Variants in PKD2L2 observed in about 807,000 individuals in gnomAD.
The protein encoded by PKD2L2 is polycystin-2-like protein 2.
PKD2L2 carries 67 observed loss-of-function variants against 83.9 expected under a neutral mutation model. The ratio of observed to expected loss-of-function variants is 0.80; its 90% CI spans 0.66 to 0.98. The LOEUF (loss-of-function observed/expected upper bound fraction) is 0.98, where lower values mean the gene tolerates loss of function less well. PKD2L2 is among the 50% of genes least tolerant of loss of function. The pLI is 0.00. For missense variants in PKD2L2, 632 were observed against 717.2 expected (o/e 0.88, Z 1.36); for synonymous variants, 223 against 237.8 (o/e 0.94, Z 0.57).
At chr5:137,893,189 T>G (rs1756144507) in intron 3 of PKD2L2, among the ~76,000 whole-genome samples, 1 of 152,214 alleles carries the variant, frequency 6.6e-6, no homozygotes, top group Non-Finnish European at 1.5e-5. Flanking sequence ...AAATTTACTT[T>G]TAAAAATTTC....
chr5:137,893,376 A>C (rs923781789), intron 3 of PKD2L2, among the ~76,000 whole-genome samples: 2 of 152,188 alleles, frequency 1.3e-5, no homozygotes, highest in African/African-American at 4.8e-5. Context: ...TGCTTTTTCC[A>C]TTACATTTAA....
intron 14 of PKD2L2, among the ~76,000 whole-genome samples, chr5:137,937,141 T>G (rs552368776): frequency 6.6e-6 from 1 of 152,250 alleles, no homozygotes; most frequent in African/African-American, 2.4e-5. Flanking sequence ...CACAGATAAA[T>G]TAATAAAGGC....
At chr5:137,924,611 G>A (rs1561701528) in intron 10 of PKD2L2, among the ~76,000 whole-genome samples, 2 of 152,094 alleles carry the variant, frequency 1.3e-5, no homozygotes, top group African/African-American at 4.8e-5. Context: ...GTAGCTGCAG[G>A]GTTAGTGGGG....
rs1482846242 is a variant in PKD2L2 at position 137,894,508 on chromosome 5, C to A, written c.423C>A (p.Cys141Ter). Residue 141 changes from cysteine (C) to a stop codon, truncating the protein, a stop_gained, in exon 4 of 15, where the codon TGC (cysteine) becomes TGA (stop). Transcript: ENST00000508883. LOFTEE classifies it high-confidence loss of function. The part of the protein sequence containing the change: ...VRQLKVRNNT[C>*]KVYSSFQSLM... ...AACTAAAAGTCCGCAACAACACATGCAAAGTCTATTCATCTTTTCAGTCTT... is the reference window on the plus strand; with the variant it reads ...AACTAAAAGTCCGCAACAACACATGAAAAGTCTATTCATCTTTTCAGTCTT... The A allele has an allele frequency of 1.2e-6, 2 of 1,613,574 alleles. No homozygotes were observed. Among genetic ancestry groups the A allele is most frequent in the Non-Finnish European group, 1.7e-6 (2 of 1,179,664 alleles).
Position 137,935,923 on chromosome 5 carries a change from C to A in PKD2L2, c.1784+14C>A. On this transcript the variant is annotated intron_variant, in intron 13 of 14. Coordinates refer to ENST00000508883, the MANE Select transcript of PKD2L2 (RefSeq NM_001300921.2). ...AGAATTTCGAGAGTAAGCTTATGTT[C>A]TAACCAGACTATTATGGGATATCAT... 2.3e-6 allele frequency: 3 copies of A among 1,305,164 alleles called. No individual in the cohort carries two copies. The highest frequency in any genetic ancestry group is 4.6e-5 in the East Asian group (2 of 43,532). The allele number at this position is 1,305,164 out of a possible 1,614,324, so 80.8% of individuals were successfully genotyped here.
Position 137,942,564 on chromosome 5 carries a change from T to C in PKD2L2, c.*198T>C. 1 of 302,088 alleles carries C rather than the reference T, an allele frequency of 3.3e-6. No homozygotes were observed. The highest frequency in any genetic ancestry group is 4.7e-5 in the South Asian group (1 of 21,150). 18.7% of individuals were successfully genotyped at this position (302,088 alleles called of 1,614,324 possible). On this transcript the variant is annotated 3_prime_UTR_variant, in exon 15 of 15. Transcript: ENST00000508883. ...TTTTTATACAGTCTGGGTCCCACTA[T>C]ATTGCCCAGGCTGGTCTTGAACTCC...
intron 5 of PKD2L2, among the ~76,000 whole-genome samples, chr5:137,900,614 T>G (rs1756870381): frequency 6.6e-6 from 1 of 152,234 alleles, no homozygotes; most frequent in Non-Finnish European, 1.5e-5. Flanking sequence ...TCACTGCAGC[T>G]ATGCCAGCAG....
At chr5:137,918,844 C>CTT (rs796480261) in intron 8 of PKD2L2, among the ~76,000 whole-genome samples, 251 of 144,554 alleles carry the variant, frequency 1.7e-3, no homozygotes, top group East Asian at 2.2e-3. Flanking sequence ...TTCCAAGAAT[C>CTT]TTTTTTTTTT....
chr5:137,892,597 T>A lies in PKD2L2; in HGVS notation c.251T>A (p.Ile84Lys). ...ACCAACTTTAAGTCCATTCGCAGCATAACTGATTTTTGGAAGGTAAAGTAT... is the reference window on the plus strand; with the variant it reads ...ACCAACTTTAAGTCCATTCGCAGCAAAACTGATTTTTGGAAGGTAAAGTAT... ...ERTNFKSIRS[I>K]TDFWKFMEGP... is the part of the protein sequence containing the mutation. Residue 84 changes from isoleucine to lysine, a missense_variant, in exon 3 of 15, where the codon ATA (isoleucine) becomes AAA (lysine). Ile to Lys is a moderately radical substitution (Grantham distance 102). Around this residue, in one of 3 missense-constraint regions of PKD2L2, gnomAD observed 229 missense variants for 281.5 expected, o/e 0.81. Transcript: ENST00000508883. 6.2e-7 allele frequency: 1 copy of A among 1,611,584 alleles called. No homozygotes were observed. The highest frequency in any genetic ancestry group is 8.5e-7 in the Non-Finnish European group (1 of 1,179,278).
At chr5:137,893,978 C>T (rs879284474) in intron 3 of PKD2L2, among the ~76,000 whole-genome samples, 2 of 152,040 alleles carry the variant, frequency 1.3e-5, no homozygotes, top group Admixed American at 6.6e-5. Context: ...GCACCATGGC[C>T]AGAGTCGGGG....
rs776570554 is a variant in PKD2L2, at chr5:137,906,472, C to T, written c.975+38C>T. Reference sequence around the variant, plus strand: ...TCATGTGTATGGTTGAAGGGGATCACATCTGAACCTACCAATGAAGGAGGT... The same window carrying T: ...TCATGTGTATGGTTGAAGGGGATCATATCTGAACCTACCAATGAAGGAGGT... On this transcript the variant is annotated intron_variant, in intron 6 of 14. Coordinates refer to ENST00000508883, the MANE Select transcript of PKD2L2 (RefSeq NM_001300921.2). The T allele has an allele frequency of 5.0e-6, 5 of 990,304 alleles. No homozygotes were observed. In the Admixed American group the frequency reaches 8.9e-5, roughly 18 times the overall value. The allele number at this position is 990,304 out of a possible 1,614,324, so 61.3% of individuals were successfully genotyped here. A position where few individuals can be genotyped will look rare whatever the true frequency, so the allele number is the denominator to read the frequency against.
intron 4 of PKD2L2, among the ~76,000 whole-genome samples, chr5:137,897,562 G>A (rs1756587029): frequency 6.6e-6 from 1 of 152,040 alleles, no homozygotes. Flanking sequence ...CTCTGTACTG[G>A]AATTGTGAAT....
At chr5:137,940,216 G>A (rs751795696) in intron 14 of PKD2L2, 1 of 1,613,894 alleles carries the variant, frequency 6.2e-7, no homozygotes, top group South Asian at 1.1e-5. Context: ...AATTTTCAAG[G>A]AACGTATCTT....
intron 14 of PKD2L2, chr5:137,937,945 T>A (rs943350964): frequency 6.6e-6 from 1 of 151,590 alleles, no homozygotes. Context: ...AAAACAAACA[T>A]ACATTTACAA....
In PKD2L2 at chr5:137,907,858, G is replaced by A; in HGVS notation, c.1092G>A (p.Trp364Ter). The A allele has an allele frequency of 6.6e-7, 1 of 1,524,798 alleles. No homozygotes were observed. Among genetic ancestry groups the A allele is most frequent in the Non-Finnish European group, 9.0e-7 (1 of 1,106,220 alleles). 94.5% of individuals were successfully genotyped at this position (1,524,798 alleles called of 1,614,324 possible). ...CAGATTTCTATTTTCTTGCATGCTG[G>A]CACATTTATTACAATAATATAATTG... Reference protein sequence around the residue: ...KYSDFYFLACWHIYYNNIIAI... With the variant: ...KYSDFYFLAC Residue 364 changes from tryptophan to a stop codon, truncating the protein, a stop_gained, in exon 7 of 15, where the codon TGG (tryptophan) becomes TGA (stop). Transcript: ENST00000508883. LOFTEE classifies it high-confidence loss of function.
At chr5:137,897,311 C>A (rs2150005886) in intron 4 of PKD2L2, among the ~76,000 whole-genome samples, 1 of 152,056 alleles carries the variant, frequency 6.6e-6, no homozygotes, top group African/African-American at 2.4e-5. Flanking sequence ...CCCGCCTCGG[C>A]CTCCCAAAGT....
At chr5:137,893,842 T>C (rs1461115803) in intron 3 of PKD2L2, among the ~76,000 whole-genome samples, 1 of 152,046 alleles carries the variant, frequency 6.6e-6, no homozygotes. Context: ...CCTTGCCACT[T>C]TGTTATTGTG....
At chr5:137,937,697 T>C (rs1760580043) in intron 14 of PKD2L2, among the ~76,000 whole-genome samples, 1 of 152,314 alleles carries the variant, frequency 6.6e-6, no homozygotes, top group Middle Eastern at 3.4e-3. Context: ...GTGTTCTTAA[T>C]AGGATAATTC....
intron 10 of PKD2L2, among the ~76,000 whole-genome samples, chr5:137,924,801 T>C (rs1226195559): frequency 1.3e-5 from 2 of 152,194 alleles, no homozygotes; most frequent in African/African-American, 4.8e-5. Flanking sequence ...AGATTTTTGC[T>C]TTTTCCAAGT....
Sources: allele counts gnomAD v4.1 joint callset (sites outside exome capture counted in the v4.1 genomes callset), GRCh38; gene constraint gnomAD v4.1.1; regional missense constraint gnomAD v4.1.1; transcripts MANE v1.5; gene names NCBI Gene and HGNC (gene_info 2026-07-23, HGNC 2026-07-21).